NRXN3: variants seen among roughly 807,000 people sequenced by gnomAD.
The protein encoded by NRXN3 is neurexin III.
NRXN3 carries 32 observed loss-of-function variants against 137.6 expected under a neutral mutation model. That is an observed-to-expected ratio of 0.23 (90% CI 0.18 to 0.31). The LOEUF (loss-of-function observed/expected upper bound fraction) is 0.31. Ranked by LOEUF, NRXN3 falls within the 10% of genes least tolerant of loss-of-function variation. NRXN3 has a pLI of 1.00. For synonymous variants in NRXN3, 798 were observed against 784.5 expected (o/e 1.02, Z -0.29); for missense variants, 1,574 against 2,062.5 (o/e 0.76, Z 4.59).
intron 15 of NRXN3, among the ~76,000 whole-genome samples, chr14:79,351,946 G>T (rs1006904484): frequency 6.6e-6 from 1 of 152,106 alleles, no homozygotes; most frequent in Non-Finnish European, 1.5e-5. Context: ...AACAATAGGC[G>T]CTTTAAAAGT....
At chr14:78,273,979 G>A (rs2073189691) in intron 2 of NRXN3, among the ~76,000 whole-genome samples, 1 of 152,202 alleles carries the variant, frequency 6.6e-6, no homozygotes, top group Admixed American at 6.5e-5. Context: ...CCTACAGGAG[G>A]CTGGCTGTGC....
In NRXN3 at chr14:78,213,161, G is replaced by T. The variant is rs555239848; in HGVS notation, c.-703-29230G>T. Among the ~76,000 whole-genome samples the T allele has an allele frequency of 5.9e-5, 9 of 152,266 alleles. No homozygotes were observed. The East Asian group carries it at 1.7e-3, about 29-fold the overall frequency. ...GGATGGCTAGAAGCCTAGGCCTTGG[G>T]TAGCATGCTACAAGAAAGGACAGGA... On this transcript the variant is annotated intron_variant, in intron 1 of 20. Coordinates refer to ENST00000335750, the MANE Select transcript of NRXN3 (RefSeq NM_001330195.2).
At chr14:79,099,017 C>T (rs2050816997) in intron 15 of NRXN3, among the ~76,000 whole-genome samples, 1 of 152,230 alleles carries the variant, frequency 6.6e-6, no homozygotes, top group Admixed American at 6.5e-5. Flanking sequence ...TGACTATAGC[C>T]TAATCATGAT....
chr14:78,255,401 G>A (rs2069397082), intron 2 of NRXN3, among the ~76,000 whole-genome samples: 1 of 152,200 alleles, frequency 6.6e-6, no homozygotes, highest in Admixed American at 6.5e-5. Context: ...GTGGGCAGAG[G>A]ATGGTTGGGT....
intron 15 of NRXN3, among the ~76,000 whole-genome samples, chr14:79,217,079 G>A (rs1465653281): frequency 6.6e-6 from 1 of 152,104 alleles, no homozygotes; most frequent in East Asian, 1.9e-4. Flanking sequence ...AGAGGTTGCA[G>A]TGAGCTGAGA....
At chr14:79,601,323 G>A (rs891373297) in intron 16 of NRXN3, among the ~76,000 whole-genome samples, 12 of 152,098 alleles carry the variant, frequency 7.9e-5, no homozygotes, top group Non-Finnish European at 1.5e-4. Context: ...TTACAGGCAG[G>A]AGCCACCGTG....
At chr14:79,443,386 G>C (rs1386526006) in intron 15 of NRXN3, among the ~76,000 whole-genome samples, 1 of 152,142 alleles carries the variant, frequency 6.6e-6, no homozygotes, top group Non-Finnish European at 1.5e-5. Flanking sequence ...CTGGTCCGTA[G>C]TGGGTCTAAA....
chr14:79,470,729 A>G (rs1196413242), intron 16 of NRXN3, among the ~76,000 whole-genome samples: 1 of 152,200 alleles, frequency 6.6e-6, no homozygotes. Context: ...TTCTTTGAAT[A>G]TGAGTGTTCT....
chr14:78,252,396 G>A (rs1244830772), intron 2 of NRXN3, among the ~76,000 whole-genome samples: 1 of 152,316 alleles, frequency 6.6e-6, no homozygotes, highest in African/African-American at 2.4e-5. Context: ...TGTAGGCAAT[G>A]TAAAGCTCCT....
rs1409540561 is a variant in NRXN3, at chr14:78,214,212, T to G, written c.-703-28179T>G. Reference sequence around the variant, plus strand: ...CAGCCCCACTGGCCTTTCAGTCTCTTGCACTTGCCTTGCTCATTCCTACCA... The same window carrying G: ...CAGCCCCACTGGCCTTTCAGTCTCTGGCACTTGCCTTGCTCATTCCTACCA... On this transcript the variant is annotated intron_variant, in intron 1 of 20. Coordinates refer to ENST00000335750, the MANE Select transcript of NRXN3 (RefSeq NM_001330195.2). Among the ~76,000 whole-genome samples the G allele has an allele frequency of 2.0e-5, 3 of 152,226 alleles. No homozygotes were observed. The East Asian group carries it at 5.8e-4, about 29-fold the overall frequency.
intron 10 of NRXN3, among the ~76,000 whole-genome samples, chr14:78,846,476 T>C (rs2152466252): frequency 6.6e-6 from 1 of 152,258 alleles, no homozygotes; most frequent in African/African-American, 2.4e-5. Context: ...AATACCATAA[T>C]GTATGTCAAA....
At chr14:79,462,992 GA>G (rs1385281628) in intron 15 of NRXN3, among the ~76,000 whole-genome samples, 1 of 148,838 alleles carries the variant, frequency 6.7e-6, no homozygotes, top group Non-Finnish European at 1.5e-5. Context: ...TAGTCTCCCA[GA>G]AAAAGTAATA....
intron 8 of NRXN3, among the ~76,000 whole-genome samples, chr14:78,726,799 G>A (rs755270635): frequency 3.3e-5 from 5 of 151,748 alleles, no homozygotes; most frequent in Non-Finnish European, 7.4e-5. Context: ...GATTACAGGC[G>A]TGAGTCATCA....
chr14:79,818,491 CTTTA>C (rs2099260093), intron 20 of NRXN3, among the ~76,000 whole-genome samples: 1 of 152,142 alleles, frequency 6.6e-6, no homozygotes, highest in Non-Finnish European at 1.5e-5. Flanking sequence ...ACTGCATTTT[CTTTA>C]TTTCAGAAAT....
rs1200906826 is a variant in NRXN3 at position 79,358,601 on chromosome 14, A to AAGAG, written c.3263-108617_3263-108616insGAGA. Among the ~76,000 whole-genome samples, 6 of 96,858 alleles carry AAGAG rather than the reference A, an allele frequency of 6.2e-5. No homozygotes were observed. The East Asian group carries it at 9.1e-4, about 15-fold the overall frequency. 63.5% of individuals were successfully genotyped at this position (96,858 alleles called of 152,430 possible). A position where few individuals can be genotyped will look rare whatever the true frequency, so the allele number is the denominator to read the frequency against. Reference sequence around the variant, plus strand: ...AAAGAAAGAGAGAAAGAAAGAAAGAAAGAAAGAGAAAGAAAGAAAGAAAGA... The same window carrying AAGAG: ...AAAGAAAGAGAGAAAGAAAGAAAGAAAGAGAGAAAGAGAAAGAAAGAAAGAAAGA... On this transcript the variant is annotated intron_variant, in intron 15 of 20. Coordinates refer to ENST00000335750, the MANE Select transcript of NRXN3 (RefSeq NM_001330195.2).
chr14:78,189,945 C>T (rs767963116), intron 1 of NRXN3, among the ~76,000 whole-genome samples: 1 of 152,200 alleles, frequency 6.6e-6, no homozygotes, highest in African/African-American at 2.4e-5. Context: ...GCCGTCCTTA[C>T]CGTACTTCGT....
At chr14:78,605,056 A>G (rs1200160604) in intron 4 of NRXN3, among the ~76,000 whole-genome samples, 1 of 152,204 alleles carries the variant, frequency 6.6e-6, no homozygotes, top group Non-Finnish European at 1.5e-5. Flanking sequence ...TCCTAAAGGC[A>G]TGATTCTAAA....
intron 15 of NRXN3, among the ~76,000 whole-genome samples, chr14:79,066,259 T>A (rs896387758): frequency 5.3e-5 from 8 of 152,182 alleles, no homozygotes; most frequent in Non-Finnish European, 1.5e-5. Context: ...CTTTCCCCAT[T>A]GCTTGTTTTT....
chr14:78,456,344 A>G (rs188813274), intron 4 of NRXN3, among the ~76,000 whole-genome samples: 1 of 152,300 alleles, frequency 6.6e-6, no homozygotes, highest in Admixed American at 6.5e-5. Flanking sequence ...AAGGCTTATT[A>G]ATAGGTTTAC....
Sources: allele counts gnomAD v4.1 joint callset (sites outside exome capture counted in the v4.1 genomes callset), GRCh38; gene constraint gnomAD v4.1.1; transcripts MANE v1.5; gene names NCBI Gene and HGNC (gene_info 2026-07-23, HGNC 2026-07-21).